FAM227B: variants seen among roughly 807,000 people sequenced by gnomAD.
The protein encoded by FAM227B is family with sequence similarity 227 member B, also known as protein FAM227B.
A neutral mutation model predicts 73.8 loss-of-function variants in FAM227B; 88 were observed. The observed-to-expected ratio is 1.19, with a 90% CI of 1.00 to 1.42. The LOEUF (loss-of-function observed/expected upper bound fraction) is 1.42. Ranked by LOEUF, FAM227B falls within the 40% of genes most tolerant of loss-of-function variation. The probability of loss-of-function intolerance (pLI) is 0.00; values close to 1 mark genes in which losing one functional copy is unlikely to be tolerated. For missense variants in FAM227B, 632 were observed against 590.9 expected, an observed-to-expected ratio of 1.07 and a Z score of -0.72; for synonymous variants, 210 against 190.5, an observed-to-expected ratio of 1.10 and a Z score of -0.84.
chr15:49,518,125 G>A (rs1047189853), intron 10 of FAM227B, among the ~76,000 whole-genome samples: 6 of 152,074 alleles, frequency 3.9e-5, no homozygotes, highest in Admixed American at 3.9e-4. Flanking sequence ...ACAGAAATGT[G>A]CACATTTCTA....
chr15:49,504,987 G>A (rs1326861104), intron 11 of FAM227B, among the ~76,000 whole-genome samples: 1 of 151,960 alleles, frequency 6.6e-6, no homozygotes, highest in African/African-American at 2.4e-5. Context: ...CAAATACTGA[G>A]AACAATACAA....
At chr15:49,394,567 C>A (rs180980338) in intron 11 of FAM227B, among the ~76,000 whole-genome samples, 1 of 152,082 alleles carries the variant, frequency 6.6e-6, no homozygotes, top group Non-Finnish European at 1.5e-5. Context: ...TGAGACTATT[C>A]GGCATGGTTG....
intron 12 of FAM227B, among the ~76,000 whole-genome samples, chr15:49,368,975 GTTT>G (rs1334258268): frequency 6.6e-6 from 1 of 151,926 alleles, no homozygotes; most frequent in Non-Finnish European, 1.5e-5. Flanking sequence ...TTGTTTGTTT[GTTT>G]TTATTTTTTT....
At chr15:49,615,817 T>C (rs1344202261) in intron 1 of FAM227B, among the ~76,000 whole-genome samples, 1 of 152,200 alleles carries the variant, frequency 6.6e-6, no homozygotes, top group African/African-American at 2.4e-5. Context: ...ACGACATGCA[T>C]ATAACAAGAA....
At chr15:49,390,669 A>G (rs868256911) in intron 11 of FAM227B, among the ~76,000 whole-genome samples, 2 of 152,158 alleles carry the variant, frequency 1.3e-5, no homozygotes, top group African/African-American at 2.4e-5. Flanking sequence ...TCTTTTCCTT[A>G]TCTGCTTATT....
intron 11 of FAM227B, among the ~76,000 whole-genome samples, chr15:49,470,146 T>G (rs2054607797): frequency 6.6e-6 from 1 of 152,152 alleles, no homozygotes; most frequent in Non-Finnish European, 1.5e-5. Context: ...TGGAAAATGA[T>G]GGAATTCTAA....
At chr15:49,566,587 A>C (rs1463265880) in intron 9 of FAM227B, among the ~76,000 whole-genome samples, 1 of 152,184 alleles carries the variant, frequency 6.6e-6, no homozygotes, top group Non-Finnish European at 1.5e-5. Context: ...CTTCCTTAGG[A>C]AATATAAATC....
intron 13 of FAM227B, chr15:49,344,259 T>G (rs565224550): frequency 6.6e-6 from 1 of 152,344 alleles, no homozygotes; most frequent in East Asian, 1.9e-4. Flanking sequence ...TTCATTTTTC[T>G]GTGTCTTTTC....
In FAM227B at chr15:49,369,199, C is replaced by T. The variant is rs186766672; in HGVS notation, c.1111-1591G>A. ...GTTTTGATCTCCTGACCTCGAGATC[C>T]GCCCACCTCGGCCTCCCAAAGTGCT... is the stretch of plus-strand genomic sequence containing the variant. On this transcript the variant is annotated intron_variant, in intron 12 of 15. Transcript: ENST00000299338. Among the ~76,000 whole-genome samples the T allele has an allele frequency of 2.9e-3, 435 of 152,120 alleles. 2 individuals are homozygous for T. Among genetic ancestry groups the T allele is most frequent in the Middle Eastern group, 6.8e-3 (2 of 294 alleles).
chr15:49,345,149 C>T (rs1261318472), intron 13 of FAM227B, among the ~76,000 whole-genome samples: 1 of 152,116 alleles, frequency 6.6e-6, no homozygotes, highest in Non-Finnish European at 1.5e-5. Flanking sequence ...ATGTATTTGT[C>T]ACTTTGAACA....
intron 14 of FAM227B, among the ~76,000 whole-genome samples, chr15:49,334,518 C>T (rs1244821909): frequency 2.0e-5 from 3 of 152,160 alleles, no homozygotes; most frequent in Admixed American, 6.5e-5. Flanking sequence ...AGCTGGACTC[C>T]ACCTTCTGCT....
intron 10 of FAM227B, among the ~76,000 whole-genome samples, chr15:49,514,570 C>T (rs756712265): frequency 5.9e-5 from 9 of 151,978 alleles, no homozygotes; most frequent in Non-Finnish European, 8.8e-5. Context: ...CTTCCTACTC[C>T]ATTTAAATAT....
chr15:49,423,101 C>T (rs2049827700), intron 11 of FAM227B: 1 of 185,050 alleles, frequency 5.4e-6, no homozygotes, highest in African/African-American at 2.4e-5. Flanking sequence ...GTTCATAGCT[C>T]CCTCTCATGA....
At chr15:49,507,416 T>C (rs1251910762) in intron 11 of FAM227B, among the ~76,000 whole-genome samples, 1 of 152,148 alleles carries the variant, frequency 6.6e-6, no homozygotes, top group Non-Finnish European at 1.5e-5. Flanking sequence ...ATTAGTGGTT[T>C]GTAACATTGC....
chr15:49,595,828 T>C (rs2076855784), intron 3 of FAM227B, among the ~76,000 whole-genome samples: 1 of 151,738 alleles, frequency 6.6e-6, no homozygotes, highest in Non-Finnish European at 1.5e-5. Flanking sequence ...CATTGAAAAG[T>C]TTCAACAATA....
rs150113894 is a variant in FAM227B, at chr15:49,393,252, A to G, written c.1013-21853T>C. 1.9e-3 allele frequency among the ~76,000 whole-genome samples: 295 copies of G among 152,244 alleles called. 1 individual carries two copies. Among genetic ancestry groups the G allele is most frequent in the African/African-American group, 6.5e-3 (272 of 41,546 alleles). ...GAGAGAAAACTTTCATGAGAGTTCAATGTGTTTTCCTCTTAGTGTAAATGG... is the reference window on the plus strand; with the variant it reads ...GAGAGAAAACTTTCATGAGAGTTCAGTGTGTTTTCCTCTTAGTGTAAATGG... On this transcript the variant is annotated intron_variant, in intron 11 of 15. Coordinates refer to ENST00000299338, the MANE Select transcript of FAM227B (RefSeq NM_152647.3).
At chr15:49,581,934 C>T (rs1210755321) in intron 5 of FAM227B, among the ~76,000 whole-genome samples, 3 of 152,176 alleles carry the variant, frequency 2.0e-5, no homozygotes, top group Non-Finnish European at 2.9e-5. Flanking sequence ...ACCTGAACTA[C>T]GCAAGGCCAT....
chr15:49,475,291 A>G lies in FAM227B; in HGVS notation c.1012+32920T>C, dbSNP rs140494508. Among the ~76,000 whole-genome samples the G allele has an allele frequency of 2.5e-3, 381 of 152,340 alleles. 2 individuals are homozygous for G. The highest frequency in any genetic ancestry group is 8.8e-3 in the African/African-American group (367 of 41,572). ...TCATGAGTTTGAAGAGAGAACGCCA[A>G]TAAAGAGATTAGAAGTTAGGATGCA... On this transcript the variant is annotated intron_variant, in intron 11 of 15. Coordinates refer to ENST00000299338, the MANE Select transcript of FAM227B (RefSeq NM_152647.3).
At chr15:49,422,963 C>T in intron 11 of FAM227B, 1 of 358,614 alleles carries the variant, frequency 2.8e-6, no homozygotes, top group Non-Finnish European at 5.1e-6. Flanking sequence ...AATAATTTTC[C>T]AAGTATAATA....
Sources: gnomAD v4.1 joint callset for allele counts (sites outside exome capture counted in the v4.1 genomes callset) on GRCh38, gnomAD v4.1.1 for gene constraint, MANE v1.5 for transcripts, NCBI Gene and HGNC (gene_info 2026-07-23, HGNC 2026-07-21) for gene names.